Variants in ROBO2 observed in about 807,000 individuals in gnomAD.
ROBO2 encodes the protein roundabout homolog 2.
Under a neutral mutation model 160.8 loss-of-function variants are expected in ROBO2, and 53 were observed. The ratio of observed to expected loss-of-function variants is 0.33; its 90% CI spans 0.26 to 0.41. ROBO2 has a LOEUF of 0.41. ROBO2 is among the 10% of genes least tolerant of loss of function. ROBO2 has a pLI of 1.00. For synonymous variants in ROBO2, 664 were observed against 611.7 expected (o/e 1.09, Z -1.26); for missense variants, 1,577 against 1,722.4 (o/e 0.92, Z 1.49).
chr3:76,842,237 C>T (rs972070500), intron 2 of ROBO2, among the ~76,000 whole-genome samples: 5 of 152,202 alleles, frequency 3.3e-5, no homozygotes, highest in African/African-American at 1.2e-4. Context: ...AAGTGGAGCA[C>T]ACCCCAAATT....
At chr3:76,564,366 T>C (rs567595619) in intron 2 of ROBO2, among the ~76,000 whole-genome samples, 151 of 151,430 alleles carry the variant, frequency 1.0e-3, no homozygotes, top group African/African-American at 3.5e-3. Flanking sequence ...CACTAATAAA[T>C]AAAGAGCTTC....
intron 2 of ROBO2, among the ~76,000 whole-genome samples, chr3:77,138,567 G>C (rs2076458462): frequency 6.6e-6 from 1 of 152,184 alleles, no homozygotes; most frequent in Admixed American, 6.5e-5. Flanking sequence ...GCAGAAAAGA[G>C]AGACACTAAT....
chr3:76,718,173 C>A (rs2093412080), intron 2 of ROBO2, among the ~76,000 whole-genome samples: 2 of 152,186 alleles, frequency 1.3e-5, no homozygotes, highest in South Asian at 4.1e-4. Flanking sequence ...CATTAACCCA[C>A]AACAGGTCTC....
Position 76,722,269 on chromosome 3 carries a change from T to G in ROBO2, c.110-375745T>G, listed in dbSNP as rs1043323029. 2.6e-5 allele frequency among the ~76,000 whole-genome samples: 4 copies of G among 152,164 alleles called. No individual in the cohort carries two copies. In the South Asian group the frequency reaches 8.3e-4, roughly 32 times the overall value. Reference sequence around the variant, plus strand: ...CCAAGTAGCCGGGATTACAGGTGCCTGCCACCCACGCCTGGCTAATTTTTG... The same window carrying G: ...CCAAGTAGCCGGGATTACAGGTGCCGGCCACCCACGCCTGGCTAATTTTTG... On this transcript the variant is annotated intron_variant, in intron 2 of 26. Transcript: ENST00000487694.
intron 2 of ROBO2, among the ~76,000 whole-genome samples, chr3:76,713,806 A>T (rs1329458824): frequency 6.6e-6 from 1 of 152,148 alleles, no homozygotes; most frequent in African/African-American, 2.4e-5. Context: ...GTTCTCAGTC[A>T]TAACTATGAA....
chr3:77,475,869 T>C lies in ROBO2; in HGVS notation c.389-1545T>C, dbSNP rs535507309. On this transcript the variant is annotated intron_variant, in intron 2 of 25. Transcript: ENST00000461745. ...AATCCTCATGCATATAAATCACACC[T>C]TTCTTGCCAGTTAGACAAGGGGGCC... Among the ~76,000 whole-genome samples, 120 of 152,274 alleles carry C rather than the reference T, an allele frequency of 7.9e-4. 1 individual carries two copies. Among genetic ancestry groups the C allele is most frequent in the Non-Finnish European group, 1.3e-3 (91 of 68,008 alleles).
chr3:76,888,439 C>T (rs190214710), intron 2 of ROBO2, among the ~76,000 whole-genome samples: 1 of 152,040 alleles, frequency 6.6e-6, no homozygotes, highest in Non-Finnish European at 1.5e-5. Flanking sequence ...AGGCTTAATA[C>T]TTATTTTTCC....
intron 2 of ROBO2, among the ~76,000 whole-genome samples, chr3:77,412,574 G>A (rs35809380): frequency 0.034 from 5,166 of 152,262 alleles, 124 homozygotes; most frequent in South Asian, 0.085. Context: ...GGGGACAGTG[G>A]GATCTCAATC....
At chr3:77,086,572 T>A (rs1234177753) in intron 1 of ROBO2, among the ~76,000 whole-genome samples, 2 of 152,126 alleles carry the variant, frequency 1.3e-5, no homozygotes, top group African/African-American at 4.8e-5. Context: ...TTACCTCCAT[T>A]CCACATAAAC....
intron 2 of ROBO2, among the ~76,000 whole-genome samples, chr3:76,071,376 A>T (rs1047148584): frequency 6.6e-6 from 1 of 152,208 alleles, no homozygotes; most frequent in African/African-American, 2.4e-5. Context: ...TAATTACTAC[A>T]GAGTTAACTA....
At chr3:76,842,606 CTTT>C (rs1312350867) in intron 2 of ROBO2, among the ~76,000 whole-genome samples, 1 of 152,124 alleles carries the variant, frequency 6.6e-6, no homozygotes. Flanking sequence ...TTAGTTATTG[CTTT>C]TCACACAATG....
intron 2 of ROBO2, among the ~76,000 whole-genome samples, chr3:76,879,532 A>G (rs2073128891): frequency 6.6e-6 from 1 of 152,118 alleles, no homozygotes; most frequent in African/African-American, 2.4e-5. Context: ...ATCGACCAAC[A>G]TAACTATAAA....
At chr3:76,718,271 A>G (rs1271830009) in intron 2 of ROBO2, among the ~76,000 whole-genome samples, 1 of 152,224 alleles carries the variant, frequency 6.6e-6, no homozygotes, top group Non-Finnish European at 1.5e-5. Context: ...TATTGCTACC[A>G]TCCAGTTTAG....
At chr3:76,712,216 A>T (rs2107614561) in intron 2 of ROBO2, among the ~76,000 whole-genome samples, 1 of 152,340 alleles carries the variant, frequency 6.6e-6, no homozygotes, top group East Asian at 1.9e-4. Context: ...GCAGAAAGCA[A>T]ATCAATAGAT....
At chr3:76,800,175 A>T (rs2064090238) in intron 2 of ROBO2, among the ~76,000 whole-genome samples, 1 of 152,244 alleles carries the variant, frequency 6.6e-6, no homozygotes, top group Non-Finnish European at 1.5e-5. Flanking sequence ...CACATGCAGA[A>T]GAATGAACCA....
intron 2 of ROBO2, among the ~76,000 whole-genome samples, chr3:77,339,985 C>T (rs1301289417): frequency 2.0e-5 from 3 of 152,054 alleles, no homozygotes; most frequent in African/African-American, 7.2e-5. Context: ...GCAAGCTTTC[C>T]ATAAACATAT....
At chr3:76,533,122 T>C (rs543631366) in intron 2 of ROBO2, among the ~76,000 whole-genome samples, 8 of 152,336 alleles carry the variant, frequency 5.3e-5, no homozygotes, top group African/African-American at 1.9e-4. Context: ...TTAAAATGTA[T>C]GCATGCCTTT....
At chr3:77,326,205 A>G (rs963784793) in intron 2 of ROBO2, among the ~76,000 whole-genome samples, 2 of 152,202 alleles carry the variant, frequency 1.3e-5, no homozygotes, top group African/African-American at 4.8e-5. Context: ...TTCTCTCATT[A>G]CAATACTTAC....
chr3:76,193,149 A>C lies in ROBO2; in HGVS notation c.109+255547A>C, dbSNP rs138161899. Among the ~76,000 whole-genome samples the C allele has an allele frequency of 3.2e-4, 48 of 152,214 alleles. No individual in the cohort carries two copies. In the East Asian group the frequency reaches 9.1e-3, roughly 29 times the overall value. The stretch of plus-strand genomic sequence containing the variant: ...GGAGGTACTTCTTTCTCCACCCATC[A>C]GTTAAAATACTGGTTATCTGTAAGA... On this transcript the variant is annotated intron_variant, in intron 2 of 26. Coordinates refer to the ROBO2 transcript ENST00000487694.
Sources: gnomAD v4.1 joint callset for allele counts (sites outside exome capture counted in the v4.1 genomes callset) on GRCh38, gnomAD v4.1.1 for gene constraint, MANE v1.5 for transcripts, NCBI Gene and HGNC (gene_info 2026-07-23, HGNC 2026-07-21) for gene names.